The following NRG3 variants were observed in gnomAD, a reference collection of about 807,000 sequenced individuals.
NRG3 encodes pro-neuregulin-3, membrane-bound isoform.
A neutral mutation model predicts 66.9 loss-of-function variants in NRG3; 31 were observed. The observed-to-expected ratio is 0.46, with a 90% confidence interval of 0.35 to 0.63. The LOEUF (loss-of-function observed/expected upper bound fraction) is 0.63, where lower values mean the gene tolerates loss of function less well. NRG3 is among the 20% of genes least tolerant of loss of function. The pLI, the probability that NRG3 is intolerant of heterozygous loss-of-function variation, is 0.00. For synonymous variants in NRG3, 393 were observed against 359.4 expected, an observed-to-expected ratio of 1.09 and a Z score of -1.06; for missense variants, 910 against 878.9, an observed-to-expected ratio of 1.04 and a Z score of -0.45.
At chr10:82,595,798 A>T (rs999043135) in intron 2 of NRG3, among the ~76,000 whole-genome samples, 1 of 151,792 alleles carries the variant, frequency 6.6e-6, no homozygotes, top group Non-Finnish European at 1.5e-5. Flanking sequence ...AAAAAAAAAT[A>T]GATTGGAACT....
At chr10:82,049,293 A>G (rs964762282) in intron 1 of NRG3, among the ~76,000 whole-genome samples, 2 of 152,086 alleles carry the variant, frequency 1.3e-5, no homozygotes, top group African/African-American at 2.4e-5. Flanking sequence ...TTCAACATCA[A>G]TCATAAGAGG....
intron 2 of NRG3, among the ~76,000 whole-genome samples, chr10:82,673,059 G>A (rs781765484): frequency 1.3e-5 from 2 of 152,136 alleles, no homozygotes; most frequent in Non-Finnish European, 2.9e-5. Flanking sequence ...CCCTTCATGG[G>A]TTTTCTCAGG....
chr10:81,879,261 C>T (rs1471437348), intron 1 of NRG3, among the ~76,000 whole-genome samples: 1 of 152,196 alleles, frequency 6.6e-6, no homozygotes, highest in Admixed American at 6.5e-5. Context: ...CCAGAAACAT[C>T]TTTGAAGCAT....
intron 2 of NRG3, among the ~76,000 whole-genome samples, chr10:82,475,408 A>T (rs1332992169): frequency 2.0e-5 from 3 of 152,154 alleles, no homozygotes; most frequent in African/African-American, 4.8e-5. Context: ...AATCATAAAG[A>T]CATAGAAAAT....
In NRG3 at chr10:82,479,857, A is replaced by G. The variant is rs112534775; in HGVS notation, c.953+120989A>G. 4.2e-3 allele frequency among the ~76,000 whole-genome samples: 642 copies of G among 152,178 alleles called. 4 individuals carry two copies. Among genetic ancestry groups the G allele is most frequent in the African/African-American group, 0.015 (621 of 41,536 alleles). ...GTGGTGGGCGCCTGCAGTCCCAGCT[A>G]CTTGGAAGGCTGAGGCAGGAGAATG... On this transcript the variant is annotated intron_variant, in intron 2 of 8. Transcript: ENST00000372141.
intron 1 of NRG3, among the ~76,000 whole-genome samples, chr10:82,137,301 T>C (rs1243440098): frequency 6.6e-6 from 1 of 152,218 alleles, no homozygotes; most frequent in African/African-American, 2.4e-5. Flanking sequence ...AGCCTTTATG[T>C]TGTGAGACGA....
intron 2 of NRG3, among the ~76,000 whole-genome samples, chr10:82,464,772 G>A (rs187024170): frequency 3.9e-5 from 6 of 152,278 alleles, no homozygotes; most frequent in African/African-American, 1.4e-4. Context: ...CAGAAAAAGG[G>A]GGCTCAGAAT....
chr10:82,791,182 G>A lies in NRG3; in HGVS notation c.1027+52532G>A, dbSNP rs528668777. ...TGGGTTTACTTTTATGTTTCTTTGT[G>A]TATCCCATAATTTTTATTGAAAGCT... is the stretch of plus-strand genomic sequence containing the variant. On this transcript the variant is annotated intron_variant, in intron 3 of 8. Coordinates refer to ENST00000372141, the MANE Select transcript of NRG3 (RefSeq NM_001010848.4). Among the ~76,000 whole-genome samples the A allele has an allele frequency of 2.6e-5, 4 of 151,672 alleles. No homozygotes were observed. The South Asian group carries it at 8.3e-4, about 32-fold the overall frequency.
intron 1 of NRG3, among the ~76,000 whole-genome samples, chr10:82,042,010 C>A (rs558464784): frequency 6.6e-6 from 1 of 152,012 alleles, no homozygotes; most frequent in East Asian, 1.9e-4. Flanking sequence ...GGGCCTGAAC[C>A]CAGATTCTTT....
intron 2 of NRG3, among the ~76,000 whole-genome samples, chr10:82,613,049 G>A (rs1403750791): frequency 6.6e-6 from 1 of 152,062 alleles, no homozygotes; most frequent in Non-Finnish European, 1.5e-5. Context: ...TTGAGAAGTA[G>A]GTTTTAATAT....
intron 1 of NRG3, chr10:81,877,726 T>C: frequency 7.4e-7 from 1 of 1,353,594 alleles, no homozygotes; most frequent in Non-Finnish European, 9.4e-7. Flanking sequence ...CAAACCAGAA[T>C]GGCAGTAGAG....
At chr10:82,425,635 A>C in intron 2 of NRG3, among the ~76,000 whole-genome samples, 1 of 152,148 alleles carries the variant, frequency 6.6e-6, no homozygotes, top group East Asian at 1.9e-4. Flanking sequence ...TGTGACTTGT[A>C]ATTATTTTGT....
At chr10:82,753,524 T>C (rs1308902035) in intron 3 of NRG3, among the ~76,000 whole-genome samples, 2 of 152,090 alleles carry the variant, frequency 1.3e-5, no homozygotes, top group Non-Finnish European at 2.9e-5. Flanking sequence ...ATTCCTCTTT[T>C]CTCCCTCCCT....
At chr10:82,432,731 T>G (rs1416043556) in intron 2 of NRG3, among the ~76,000 whole-genome samples, 2 of 152,142 alleles carry the variant, frequency 1.3e-5, no homozygotes, top group East Asian at 3.9e-4. Context: ...TTTCTGTTCC[T>G]GTGTTAGTTG....
Position 82,972,268 on chromosome 10 carries a change from T to G in NRG3, c.1285-1520T>G, listed in dbSNP as rs549841634. Among the ~76,000 whole-genome samples, 26 of 152,302 alleles carry G rather than the reference T, an allele frequency of 1.7e-4. 1 individual carries two copies. The South Asian group carries it at 5.4e-3, about 32-fold the overall frequency. On this transcript the variant is annotated intron_variant, in intron 6 of 8. Transcript: ENST00000372141. ...TTTGTTCATCAGTGTCTAAAATTAA[T>G]CAGCATGCATATATTACATTGTCTT...
Position 81,905,210 on chromosome 10 carries a change from C to G in NRG3, c.823+29047C>G, listed in dbSNP as rs139739710. ...TTCCAATTTTTATACACTTACAAAC[C>G]ACTCTTCGTTTTTTTCCTTAGTTCA... is the stretch of plus-strand genomic sequence containing the variant. On this transcript the variant is annotated intron_variant, in intron 1 of 8. Coordinates refer to ENST00000372141, the MANE Select transcript of NRG3 (RefSeq NM_001010848.4). 2.0e-5 allele frequency among the ~76,000 whole-genome samples: 3 copies of G among 152,306 alleles called. No individual in the cohort carries two copies. The East Asian group carries it at 5.8e-4, about 29-fold the overall frequency.
intron 2 of NRG3, among the ~76,000 whole-genome samples, chr10:82,613,224 C>G (rs1180778928): frequency 1.3e-5 from 2 of 152,106 alleles, no homozygotes; most frequent in African/African-American, 4.8e-5. Context: ...CATAGTTCAT[C>G]ATTTTATGCA....
chr10:82,077,089 A>T (rs1338607546), intron 1 of NRG3, among the ~76,000 whole-genome samples: 1 of 152,250 alleles, frequency 6.6e-6, no homozygotes, highest in Non-Finnish European at 1.5e-5. Context: ...AGCCATTTAT[A>T]ATGGAAAACT....
At chr10:82,256,175 G>A (rs979103804) in intron 1 of NRG3, among the ~76,000 whole-genome samples, 3 of 152,140 alleles carry the variant, frequency 2.0e-5, no homozygotes, top group Admixed American at 6.5e-5. Context: ...ACCTGCCTCG[G>A]CCTCCTAAAG....
Sources: allele counts gnomAD v4.1 joint callset (sites outside exome capture counted in the v4.1 genomes callset), GRCh38; gene constraint gnomAD v4.1.1; transcripts MANE v1.5; gene names NCBI Gene and HGNC (gene_info 2026-07-23, HGNC 2026-07-21).